PCDHA4: variants seen among roughly 807,000 people sequenced by gnomAD.
The protein encoded by PCDHA4 is protocadherin alpha-4.
Under a neutral mutation model 61.4 loss-of-function variants are expected in PCDHA4, and 49 were observed. The observed-to-expected ratio is 0.80, with a 90% CI of 0.63 to 1.01. The LOEUF is 1.01. Ranked by LOEUF, PCDHA4 falls within the 50% of genes least tolerant of loss-of-function variation. PCDHA4 has a pLI of 0.00. For missense variants in PCDHA4, 1,254 were observed against 1,235.8 expected (o/e 1.01, Z -0.22); for synonymous variants, 590 against 550.3 (o/e 1.07, Z -1.01).
chr5:140,876,146 C>T, intron 1 of PCDHA4: 1 of 1,613,952 alleles, frequency 6.2e-7, no homozygotes, highest in Non-Finnish European at 8.5e-7. Context: ...CTAACAGGGT[C>T]TGTCCAGATT....
intron 1 of PCDHA4, chr5:140,814,941 C>G (rs1405331671): frequency 6.6e-6 from 1 of 152,054 alleles, no homozygotes; most frequent in Non-Finnish European, 1.5e-5. Flanking sequence ...TATATAATGT[C>G]CTTCTTTGTC....
chr5:140,854,011 A>T (rs1218448806), intron 1 of PCDHA4: 1 of 394,286 alleles, frequency 2.5e-6, no homozygotes, highest in Non-Finnish European at 3.6e-6. Context: ...AAAAAAAAAA[A>T]ATTAGCCGGG....
chr5:140,890,283 A>G (rs1554184241), intron 1 of PCDHA4, among the ~76,000 whole-genome samples: 2 of 152,192 alleles, frequency 1.3e-5, no homozygotes, highest in Admixed American at 1.3e-4. Flanking sequence ...CACTCAGTTG[A>G]GTCAGAACCA....
Position 140,809,286 on chromosome 5 carries a change from T to A in PCDHA4, c.2099T>A (p.Leu700Gln), listed in dbSNP as rs782732716. 1.2e-6 allele frequency: 2 copies of A among 1,613,984 alleles called. No individual in the cohort carries two copies. Among genetic ancestry groups the A allele is most frequent in the East Asian group, 2.2e-5 (1 of 44,886 alleles). Reference protein sequence around the residue: ...DAALVDVNVYLIIAICAVSSL... With the variant: ...DAALVDVNVYQIIAICAVSSL... ...GCGCTGGTGGATGTCAACGTATACC[T>A]GATCATTGCCATCTGCGCGGTGTCC... Residue 700 changes from leucine (L) to glutamine (Q), a missense_variant, in exon 1 of 4, where the codon CTG (leucine) becomes CAG (glutamine). By Grantham distance (113) the Leu-to-Gln change is moderately radical. Coordinates refer to ENST00000530339, the MANE Select transcript of PCDHA4 (RefSeq NM_018907.4).
intron 1 of PCDHA4, among the ~76,000 whole-genome samples, chr5:140,964,195 T>C (rs2095816434): frequency 6.6e-6 from 1 of 152,216 alleles, no homozygotes; most frequent in South Asian, 2.1e-4. Context: ...AAATAGAGTA[T>C]ACCATCTCTT....
At chr5:140,842,747 A>G (rs2150343510) in intron 1 of PCDHA4, 1 of 1,594,914 alleles carries the variant, frequency 6.3e-7, no homozygotes, top group Admixed American at 1.7e-5. Flanking sequence ...CCACATCTTC[A>G]CGGTGTCTGC....
At chr5:140,871,288 G>A (rs1254609310) in intron 1 of PCDHA4, 2 of 1,613,786 alleles carry the variant, frequency 1.2e-6, no homozygotes, top group Non-Finnish European at 1.7e-6. Context: ...GCCCACTGAG[G>A]GCGCGTGCGC....
At chr5:140,909,927 TCA>T (rs781847647) in intron 1 of PCDHA4, among the ~76,000 whole-genome samples, 6 of 152,150 alleles carry the variant, frequency 3.9e-5, no homozygotes, top group African/African-American at 9.7e-5. Flanking sequence ...CTTTCCCCAA[TCA>T]CAGTTACTCT....
intron 1 of PCDHA4, chr5:140,849,631 C>T (rs1420116436): frequency 1.3e-6 from 2 of 1,598,614 alleles, no homozygotes; most frequent in Admixed American, 1.7e-5. Context: ...GACCTAGACG[C>T]AGATGCCAAC....
chr5:140,824,836 T>C (rs2150071558), intron 1 of PCDHA4: 1 of 152,184 alleles, frequency 6.6e-6, no homozygotes, highest in South Asian at 2.1e-4. Flanking sequence ...ATTATTTTAT[T>C]ACACTAATTT....
intron 1 of PCDHA4, among the ~76,000 whole-genome samples, chr5:140,975,935 C>T (rs1351802479): frequency 6.6e-6 from 1 of 152,060 alleles, no homozygotes; most frequent in East Asian, 1.9e-4. Flanking sequence ...ACCTTTGAAG[C>T]AATAGGACAT....
At chr5:140,854,315 C>A in intron 1 of PCDHA4, 1 of 280,416 alleles carries the variant, frequency 3.6e-6, no homozygotes, top group South Asian at 1.3e-4. Context: ...GATGATTGAT[C>A]AATGGCAAAC....
chr5:140,843,061 G>A lies in PCDHA4; in HGVS notation c.2385+33489G>A, dbSNP rs113750272. ...GCACTGGTGGCGCAGCGAGCAAGCT[G>A]GTGCCGCGGTCTGTGGGCGCGGGCC... On this transcript the variant is annotated intron_variant, in intron 1 of 3. Coordinates refer to ENST00000530339, the MANE Select transcript of PCDHA4 (RefSeq NM_018907.4). 2.1e-3 allele frequency: 3,330 copies of A among 1,595,224 alleles called. 278 individuals are homozygous for A. In the African/African-American group the frequency reaches 0.039, roughly 19 times the overall value.
intron 1 of PCDHA4, chr5:140,882,277 T>C: frequency 1.9e-6 from 3 of 1,612,528 alleles, no homozygotes; most frequent in African/African-American, 1.3e-5. Flanking sequence ...CCATGCTGTC[T>C]TCCTGGCAAG....
At chr5:140,879,235 A>T (rs904336289) in intron 1 of PCDHA4, among the ~76,000 whole-genome samples, 1 of 152,240 alleles carries the variant, frequency 6.6e-6, no homozygotes, top group Non-Finnish European at 1.5e-5. Context: ...CATATACAAG[A>T]GGCACTGGCA....
chr5:140,876,092 A>C, intron 1 of PCDHA4: 2 of 1,613,948 alleles, frequency 1.2e-6, no homozygotes, highest in Non-Finnish European at 1.7e-6. Context: ...CAAACGCCAA[A>C]ACTCAATTTA....
At chr5:140,884,230 CG>C in intron 1 of PCDHA4, 2 of 1,613,384 alleles carry the variant, frequency 1.2e-6, no homozygotes, top group Non-Finnish European at 1.7e-6. Flanking sequence ...TGAAGGACCA[CG>C]GTGAGCCCGC....
At chr5:140,865,241 T>C (rs1581737051) in intron 1 of PCDHA4, 1 of 152,220 alleles carries the variant, frequency 6.6e-6, no homozygotes, top group Non-Finnish European at 1.5e-5. Context: ...AACACGTATT[T>C]ATAGCTGTAA....
intron 1 of PCDHA4, among the ~76,000 whole-genome samples, chr5:140,833,364 G>T (rs1298324769): frequency 1.3e-5 from 2 of 152,118 alleles, no homozygotes; most frequent in Non-Finnish European, 2.9e-5. Flanking sequence ...AACACAGTAA[G>T]GTAGATCCAA....
Sources: allele counts gnomAD v4.1 joint callset (sites outside exome capture counted in the v4.1 genomes callset), GRCh38; gene constraint gnomAD v4.1.1; transcripts MANE v1.5; gene names NCBI Gene and HGNC (gene_info 2026-07-23, HGNC 2026-07-21).